Variants in IGSF21 observed in about 807,000 individuals in gnomAD.
The protein encoded by IGSF21 is immunoglobin superfamily member 21.
Under a neutral mutation model 46.8 loss-of-function variants are expected in IGSF21, and 28 were observed. That is an observed-to-expected ratio of 0.60 (90% confidence interval 0.44 to 0.82). The LOEUF (loss-of-function observed/expected upper bound fraction) is 0.82, where lower values mean the gene tolerates loss of function less well. Ranked by LOEUF, IGSF21 falls within the 40% of genes least tolerant of loss-of-function variation. IGSF21 has a pLI of 0.00. For synonymous variants in IGSF21, 284 were observed against 273.6 expected (o/e 1.04, Z -0.38); for missense variants, 624 against 665.5 (o/e 0.94, Z 0.69).
At chr1:18,366,968 C>T (rs926866178) in intron 6 of IGSF21, among the ~76,000 whole-genome samples, 9 of 152,200 alleles carry the variant, frequency 5.9e-5, no homozygotes, top group Middle Eastern at 3.4e-3. Flanking sequence ...ACTGGGTGGG[C>T]GAGGGCAGGG....
chr1:18,252,044 CG>C lies in IGSF21; in HGVS notation c.183+24035del, dbSNP rs1557608078. ...AGGCTGGAACACTTTCTGACCAAGG[CG>C]TTTTTTTTTTTTTTTTTTTTTTTGA... On this transcript the variant is annotated intron_variant, in intron 2 of 9. Coordinates refer to ENST00000251296, the MANE Select transcript of IGSF21 (RefSeq NM_032880.5). Among the ~76,000 whole-genome samples the C allele has an allele frequency of 6.5e-3, 640 of 98,852 alleles. 11 individuals are homozygous for C. Among genetic ancestry groups the C allele is most frequent in the Middle Eastern group, 0.012 (2 of 170 alleles). 64.9% of individuals were successfully genotyped at this position (98,852 alleles called of 152,430 possible). A position where few individuals can be genotyped will look rare whatever the true frequency, so the allele number is the denominator to read the frequency against.
chr1:18,235,672 C>T (rs549809587), intron 2 of IGSF21, among the ~76,000 whole-genome samples: 1 of 152,142 alleles, frequency 6.6e-6, no homozygotes, highest in African/African-American at 2.4e-5. Context: ...GGGCAGAGAC[C>T]GTTCATACCA....
chr1:18,257,945 A>G (rs1160276381), intron 2 of IGSF21, among the ~76,000 whole-genome samples: 3 of 152,166 alleles, frequency 2.0e-5, no homozygotes, highest in Non-Finnish European at 2.9e-5. Context: ...CTCCCACTCA[A>G]AAGTGAGTGA....
intron 1 of IGSF21, among the ~76,000 whole-genome samples, chr1:18,145,190 G>A (rs2124428799): frequency 7.7e-6 from 1 of 130,616 alleles, no homozygotes; most frequent in South Asian, 3.0e-4. Context: ...AAACAGAGAG[G>A]AATTTATGGA....
intron 2 of IGSF21, among the ~76,000 whole-genome samples, chr1:18,254,078 T>A (rs1335124194): frequency 6.6e-6 from 1 of 152,194 alleles, no homozygotes; most frequent in Non-Finnish European, 1.5e-5. Flanking sequence ...ACAGGCTCTA[T>A]GATTATCACC....
chr1:18,262,984 C>T (rs981964888), intron 2 of IGSF21, among the ~76,000 whole-genome samples: 1 of 152,226 alleles, frequency 6.6e-6, no homozygotes, highest in African/African-American at 2.4e-5. Flanking sequence ...ATTCTTTTCC[C>T]TCCCTCCCTT....
chr1:18,238,060 G>C (rs2084689642), intron 2 of IGSF21, among the ~76,000 whole-genome samples: 1 of 152,160 alleles, frequency 6.6e-6, no homozygotes, highest in African/African-American at 2.4e-5. Context: ...GTTTTTGTGG[G>C]AGAAAGGTGC....
rs2085778040 is a variant in IGSF21, at chr1:18,337,211, GACTC to G, written c.424+2207_424+2210del. Among the ~76,000 whole-genome samples, 6 of 152,228 alleles carry G rather than the reference GACTC, an allele frequency of 3.9e-5. No individual in the cohort carries two copies. The highest frequency in any genetic ancestry group is 4.1e-4 in the South Asian group (2 of 4,826). ...ACTGAGGCACAGAGTGATCTCGTGG[GACTC>G]ACTCAGGTTGCACAACTGGCCTGAT... On this transcript the variant is annotated intron_variant, in intron 4 of 9. Transcript: ENST00000251296. This position sits in a 1 kb window ranked among gnomAD's most constrained non-coding sequence, Gnocchi z 5.7.
At chr1:18,333,450 T>C (rs986936480) in intron 3 of IGSF21, among the ~76,000 whole-genome samples, 3 of 152,172 alleles carry the variant, frequency 2.0e-5, no homozygotes, top group Non-Finnish European at 2.9e-5. Flanking sequence ...AAACACAAAA[T>C]GGCCCCTCTA....
chr1:18,263,300 T>A (rs541175167), intron 2 of IGSF21, among the ~76,000 whole-genome samples: 6 of 152,134 alleles, frequency 3.9e-5, no homozygotes, highest in Non-Finnish European at 8.8e-5. Context: ...TTTCTCAACC[T>A]ACTTGCATCA....
At chr1:18,232,128 T>C (rs1443769415) in intron 2 of IGSF21, among the ~76,000 whole-genome samples, 1 of 151,468 alleles carries the variant, frequency 6.6e-6, no homozygotes, top group Non-Finnish European at 1.5e-5. Flanking sequence ...CTCTGCTTTC[T>C]CCACTGTTAC....
chr1:18,242,834 CA>C (rs901556584), intron 2 of IGSF21, among the ~76,000 whole-genome samples: 1 of 152,232 alleles, frequency 6.6e-6, no homozygotes, highest in African/African-American at 2.4e-5. Context: ...AAAACCTTGG[CA>C]GGGCCTTGGC....
chr1:18,190,534 A>T (rs990948218), intron 1 of IGSF21, among the ~76,000 whole-genome samples: 1 of 152,136 alleles, frequency 6.6e-6, no homozygotes, highest in African/African-American at 2.4e-5. Context: ...CAGAGAAGGG[A>T]TTCTTCACCT....
intron 2 of IGSF21, among the ~76,000 whole-genome samples, chr1:18,289,754 C>T (rs1431330944): frequency 6.6e-6 from 1 of 152,180 alleles, no homozygotes; most frequent in Non-Finnish European, 1.5e-5. Flanking sequence ...CCAAACCGCA[C>T]CTCTCCTCCC....
At chr1:18,272,879 T>C (rs147558717) in intron 2 of IGSF21, among the ~76,000 whole-genome samples, 1,680 of 152,194 alleles carry the variant, frequency 0.011, 22 homozygotes, top group Admixed American at 0.021. Context: ...GACAGAGATA[T>C]GTGGGAGGAG....
intron 1 of IGSF21, among the ~76,000 whole-genome samples, chr1:18,137,269 A>C (rs188654147): frequency 6.6e-6 from 1 of 152,280 alleles, no homozygotes; most frequent in African/African-American, 2.4e-5. Context: ...AATAGTACCA[A>C]CTTGGGATGG....
chr1:18,368,727 G>A (rs780733613), intron 6 of IGSF21, among the ~76,000 whole-genome samples: 1 of 152,084 alleles, frequency 6.6e-6, no homozygotes, highest in African/African-American at 2.4e-5. Context: ...TTACCTGGTT[G>A]CTTCATTTAT....
intron 3 of IGSF21, among the ~76,000 whole-genome samples, chr1:18,313,550 G>C (rs76545495): frequency 2.0e-5 from 3 of 152,320 alleles, no homozygotes; most frequent in African/African-American, 7.2e-5. Flanking sequence ...CACAAGGTAT[G>C]CAGGATAGGG....
chr1:18,345,275 A>C (rs2085881274), intron 4 of IGSF21, among the ~76,000 whole-genome samples: 1 of 152,242 alleles, frequency 6.6e-6, no homozygotes, highest in African/African-American at 2.4e-5. Context: ...ATGGAGTTTA[A>C]TTCCTTAGAG....
Sources: allele counts gnomAD v4.1 joint callset (sites outside exome capture counted in the v4.1 genomes callset), GRCh38; gene constraint gnomAD v4.1.1; non-coding constraint Gnocchi (gnomAD v3.1); transcripts MANE v1.5; gene names NCBI Gene and HGNC (gene_info 2026-07-23, HGNC 2026-07-21).